The following DENND5B variants were observed in gnomAD, a reference collection of about 807,000 sequenced individuals.
DENND5B encodes the protein DENN domain containing 5B.
Under a neutral mutation model 140.6 loss-of-function variants are expected in DENND5B, and 34 were observed. The observed-to-expected ratio is 0.24, with a 90% CI of 0.18 to 0.32. DENND5B has a LOEUF of 0.32. Ranked by LOEUF, DENND5B falls within the 10% of genes least tolerant of loss-of-function variation. The pLI, the probability that DENND5B is intolerant of heterozygous loss-of-function variation, is 1.00. For synonymous variants in DENND5B, 551 were observed against 562.1 expected, an observed-to-expected ratio of 0.98 and a Z score of 0.28; for missense variants, 1,142 against 1,560.2, an observed-to-expected ratio of 0.73 and a Z score of 4.52.
chr12:31,584,147 A>G (rs1950308223), intron 1 of DENND5B, among the ~76,000 whole-genome samples: 1 of 152,228 alleles, frequency 6.6e-6, no homozygotes, highest in East Asian at 1.9e-4. Flanking sequence ...GGATGTGCAC[A>G]GGAATTTTAG....
chr12:31,578,126 C>CAAAAAAAAA (rs5797421), intron 1 of DENND5B, among the ~76,000 whole-genome samples: 1 of 77,354 alleles, frequency 1.3e-5, no homozygotes. Context: ...GACGCTGTCT[C>CAAAAAAAAA]AAAAAAAAAA....
chr12:31,519,568 C>A (rs2138989617), intron 1 of DENND5B, among the ~76,000 whole-genome samples: 1 of 152,208 alleles, frequency 6.6e-6, no homozygotes, highest in South Asian at 2.1e-4. Context: ...TAGTAACTTT[C>A]ACAAGTACTC....
chr12:31,507,535 C>T (rs768174727), intron 1 of DENND5B, among the ~76,000 whole-genome samples: 14 of 152,054 alleles, frequency 9.2e-5, no homozygotes, highest in Admixed American at 1.3e-4. Flanking sequence ...GCAATGAATT[C>T]AAGATCTAGA....
chr12:31,570,446 T>A (rs1949780515), intron 1 of DENND5B, among the ~76,000 whole-genome samples: 1 of 151,484 alleles, frequency 6.6e-6, no homozygotes, highest in Non-Finnish European at 1.5e-5. Context: ...ACCCGGCTAA[T>A]TTTTGTATTT....
chr12:31,418,439 T>A (rs912531172), intron 11 of DENND5B, among the ~76,000 whole-genome samples: 3 of 151,580 alleles, frequency 2.0e-5, no homozygotes, highest in Non-Finnish European at 4.4e-5. Flanking sequence ...CCACCACACC[T>A]GGCTAATTTT....
chr12:31,459,933 A>C (rs1194759462), intron 4 of DENND5B, among the ~76,000 whole-genome samples: 1 of 152,260 alleles, frequency 6.6e-6, no homozygotes, highest in Non-Finnish European at 1.5e-5. Context: ...CAATGAGATC[A>C]TGCTACCACT....
intron 1 of DENND5B, among the ~76,000 whole-genome samples, chr12:31,509,342 C>T (rs1947322499): frequency 1.3e-5 from 2 of 152,076 alleles, no homozygotes; most frequent in South Asian, 4.2e-4. Flanking sequence ...TTAATTTGGC[C>T]AAGTGTGGCA....
At position 31,591,056 on chromosome 12, in the gene DENND5B, G is replaced by C. The variant is rs567663004; in HGVS notation, c.-224C>G. The C allele has an allele frequency of 5.4e-5, 12 of 223,258 alleles. 1 individual carries two copies. The South Asian group carries it at 1.9e-3, about 36-fold the overall frequency. 13.8% of individuals were successfully genotyped at this position (223,258 alleles called of 1,614,324 possible). On this transcript the variant is annotated 5_prime_UTR_variant, in exon 1 of 21. Coordinates refer to ENST00000389082, the MANE Select transcript of DENND5B (RefSeq NM_144973.4). ...GGCGGGTCCGGAGCCCGGCCGGGTG[G>C]GGGAGGGGCGCGGGGGGAGTGTCGG...
intron 3 of DENND5B, among the ~76,000 whole-genome samples, chr12:31,476,831 ATTCT>A (rs1393471699): frequency 6.6e-6 from 1 of 152,126 alleles, no homozygotes; most frequent in Admixed American, 6.6e-5. Flanking sequence ...CACCCCCAAT[ATTCT>A]TTCTAACCCA....
At chr12:31,393,875 A>C (rs1941288319) in intron 17 of DENND5B, among the ~76,000 whole-genome samples, 1 of 152,062 alleles carries the variant, frequency 6.6e-6, no homozygotes, top group East Asian at 1.9e-4. Flanking sequence ...TTTTTAGTAG[A>C]AATAGGGTTT....
chr12:31,433,246 C>A lies in DENND5B; in HGVS notation c.2015G>T (p.Arg672Leu), dbSNP rs759799944. ...VLATGPTSNN[R>L]WVSRSATAQR... ...TGCAGTGGCACTCCGACTTACCCAG[C>A]GACTGAAACAATCAAATTATTTAAA... is the stretch of plus-strand genomic sequence containing the variant. Residue 672 changes from arginine to leucine, a missense_variant and splice_region_variant, in exon 8 of 21, where the codon CGC (arginine) becomes CTC (leucine). Physicochemically the swap from Arg to Leu is moderately radical, Grantham distance 102 (BLOSUM62 -2). Coordinates refer to ENST00000389082, the MANE Select transcript of DENND5B (RefSeq NM_144973.4). 3.7e-6 allele frequency: 6 copies of A among 1,606,482 alleles called. No homozygotes were observed. The highest frequency in any genetic ancestry group is 3.4e-6 in the Non-Finnish European group (4 of 1,177,416).
intron 1 of DENND5B, among the ~76,000 whole-genome samples, chr12:31,579,584 C>G (rs978530975): frequency 1.3e-5 from 2 of 152,048 alleles, no homozygotes; most frequent in African/African-American, 4.8e-5. Flanking sequence ...TCACTTGAAC[C>G]CAGGAGGCAG....
chr12:31,560,400 C>G (rs1482329160), intron 1 of DENND5B, among the ~76,000 whole-genome samples: 2 of 152,172 alleles, frequency 1.3e-5, no homozygotes, highest in Non-Finnish European at 2.9e-5. Context: ...TTGTTTCAAT[C>G]TTCCAAATAT....
chr12:31,527,046 A>G (rs1282917223), intron 1 of DENND5B, among the ~76,000 whole-genome samples: 2 of 152,224 alleles, frequency 1.3e-5, no homozygotes, highest in Non-Finnish European at 2.9e-5. Context: ...TTCAGTAGGG[A>G]AAACAGGCAA....
intron 1 of DENND5B, among the ~76,000 whole-genome samples, chr12:31,502,804 T>C (rs1565644712): frequency 6.6e-6 from 1 of 152,098 alleles, no homozygotes; most frequent in Non-Finnish European, 1.5e-5. Flanking sequence ...TACTCTCTCC[T>C]CAACAAAAAC....
At chr12:31,499,912 G>A (rs1371418925) in intron 1 of DENND5B, among the ~76,000 whole-genome samples, 3 of 152,150 alleles carry the variant, frequency 2.0e-5, no homozygotes, top group Admixed American at 2.0e-4. Context: ...TCTCTAACAG[G>A]TTTTGTATGG....
At chr12:31,448,374 C>A (rs966873263) in intron 5 of DENND5B, among the ~76,000 whole-genome samples, 1 of 151,832 alleles carries the variant, frequency 6.6e-6, no homozygotes, top group Non-Finnish European at 1.5e-5. Flanking sequence ...TGACCTCATG[C>A]TCCGCCCGCC....
At chr12:31,406,842 C>T (rs1279447052) in intron 14 of DENND5B, among the ~76,000 whole-genome samples, 1 of 152,180 alleles carries the variant, frequency 6.6e-6, no homozygotes, top group African/African-American at 2.4e-5. Context: ...ACCTGTCACC[C>T]AGGCTGGAGG....
In DENND5B at chr12:31,402,583, G is replaced by A. The variant is rs774962523; in HGVS notation, c.2864C>T (p.Ser955Leu). The part of the protein sequence containing the change: ...IKKLSNAIIT[S>L]NPWICVSGEL... ...TCCTGATACACAGATCCAAGGGTTT[G>A]ATGTGATTATTGCATTGCTCAGCTT... Residue 955 changes from serine (S) to leucine (L), a missense_variant, in exon 15 of 21, where the codon TCA becomes TTA. This residue lies in a region of DENND5B where 268 missense variants were observed against 349.2 expected (regional missense o/e 0.77). Transcript: ENST00000389082. 2 of 1,613,902 alleles carry A rather than the reference G, an allele frequency of 1.2e-6. No individual in the cohort carries two copies. The highest frequency in any genetic ancestry group is 2.2e-5 in the South Asian group (2 of 91,052).
Sources: allele counts gnomAD v4.1 joint callset (sites outside exome capture counted in the v4.1 genomes callset), GRCh38; gene constraint gnomAD v4.1.1; regional missense constraint gnomAD v4.1.1; transcripts MANE v1.5; gene names NCBI Gene and HGNC (gene_info 2026-07-23, HGNC 2026-07-21).